PSPC1: variants seen among roughly 807,000 people sequenced by gnomAD.
PSPC1 encodes the protein paraspeckle protein 1.
In PSPC1, 14 loss-of-function variants were observed where a neutral mutation model predicts 51.6. The observed-to-expected ratio is 0.27, with a 90% CI of 0.18 to 0.42. PSPC1 has a LOEUF of 0.42. Ranked by LOEUF, PSPC1 falls within the 10% of genes least tolerant of loss-of-function variation. The pLI is 1.00. For missense variants in PSPC1, 406 were observed against 701.1 expected (o/e 0.58, Z 4.75); for synonymous variants, 193 against 231.9 (o/e 0.83, Z 1.53).
intron 6 of PSPC1, among the ~76,000 whole-genome samples, chr13:19,685,708 G>A (rs1049768410): frequency 1.3e-5 from 2 of 152,144 alleles, no homozygotes; most frequent in African/African-American, 4.8e-5. Context: ...TGGAATAAGA[G>A]GGTGAAATAA....
chr13:19,679,742 C>T (rs939783373), intron 6 of PSPC1, among the ~76,000 whole-genome samples: 2 of 151,978 alleles, frequency 1.3e-5, no homozygotes, highest in African/African-American at 4.8e-5. Flanking sequence ...TTCATGGGGG[C>T]AGAAGCAACC....
chr13:19,672,983 G>A (rs927547623), downstream of PSPC1: 1 of 413,082 alleles, frequency 2.4e-6, no homozygotes, highest in Non-Finnish European at 4.7e-6. Context: ...TTGAGCCAGG[G>A]AGGTCAAGGC....
At chr13:19,710,612 T>C (rs1056135918) in intron 6 of PSPC1, among the ~76,000 whole-genome samples, 3 of 152,168 alleles carry the variant, frequency 2.0e-5, no homozygotes, top group Admixed American at 6.5e-5. Context: ...AAAGCACCTA[T>C]AAAGCTGGAA....
chr13:19,739,877 A>G (rs955589499), intron 5 of PSPC1, among the ~76,000 whole-genome samples: 1 of 152,116 alleles, frequency 6.6e-6, no homozygotes, highest in East Asian at 1.9e-4. Flanking sequence ...AAAAAAAAAA[A>G]AAAACAGTAG....
chr13:19,777,429 C>CA (rs397938970), intron 1 of PSPC1, among the ~76,000 whole-genome samples: 10,272 of 47,368 alleles, frequency 0.22, 1,198 homozygotes, highest in African/African-American at 0.34. Flanking sequence ...GACCTCAGCT[C>CA]AAAAAAAAAA....
At chr13:19,752,685 G>A (rs1343490296) in intron 3 of PSPC1, among the ~76,000 whole-genome samples, 3 of 151,646 alleles carry the variant, frequency 2.0e-5, no homozygotes, top group East Asian at 1.9e-4. Flanking sequence ...TCCCGGGTTC[G>A]CACCATTCTC....
intron 6 of PSPC1, among the ~76,000 whole-genome samples, chr13:19,711,025 G>C (rs1331603100): frequency 1.3e-5 from 2 of 151,634 alleles, no homozygotes; most frequent in Admixed American, 1.3e-4. Flanking sequence ...TTTTTTTGTA[G>C]AGATAGGGTC....
Position 19,744,705 on chromosome 13 carries a change from T to C in PSPC1, c.968-3056A>G, listed in dbSNP as rs182157867. ...TCAGCCTCCCAAGTAGCTGGGATTATAGGCGCCCACAACCGCGCCCAGCTA... is the reference window on the plus strand; with the variant it reads ...TCAGCCTCCCAAGTAGCTGGGATTACAGGCGCCCACAACCGCGCCCAGCTA... On this transcript the variant is annotated intron_variant, in intron 4 of 8. Coordinates refer to ENST00000338910, the MANE Select transcript of PSPC1 (RefSeq NM_001354909.2). Among the ~76,000 whole-genome samples, 688 of 152,202 alleles carry C rather than the reference T, an allele frequency of 4.5e-3. 5 individuals carry two copies. The highest frequency in any genetic ancestry group is 0.027 in the South Asian group (128 of 4,822).
intron 4 of PSPC1, among the ~76,000 whole-genome samples, chr13:19,742,193 G>A (rs190745884): frequency 5.1e-4 from 75 of 148,476 alleles, no homozygotes; most frequent in African/African-American, 1.7e-3. Flanking sequence ...GGGCGCGGTG[G>A]CTCACGCCTT....
At chr13:19,730,097 A>C (rs1883859213) in intron 6 of PSPC1, 142 bp downstream of exon 6, 1 of 646,784 alleles carries the variant, frequency 1.5e-6, no homozygotes, top group East Asian at 2.6e-5. Context: ...TGAGAGGTTA[A>C]GAAAATCACT....
chr13:19,709,325 T>A (rs1178168998), intron 7 of PSPC1, among the ~76,000 whole-genome samples: 20 of 152,188 alleles, frequency 1.3e-4, no homozygotes, highest in Non-Finnish European at 2.6e-4. Context: ...AACACATCTT[T>A]TAGCCTTCAA....
intron 6 of PSPC1, among the ~76,000 whole-genome samples, chr13:19,692,943 C>A (rs1878742312): frequency 6.6e-6 from 1 of 152,150 alleles, no homozygotes; most frequent in Non-Finnish European, 1.5e-5. Flanking sequence ...TGTTTCCAGT[C>A]CAGTCACTCT....
At chr13:19,701,425 C>A (rs1441734449), downstream of PSPC1, among the ~76,000 whole-genome samples, 1 of 151,570 alleles carries the variant, frequency 6.6e-6, no homozygotes, top group African/African-American at 2.4e-5. Context: ...TAAAGCAAAT[C>A]CCACTCTCCA....
At chr13:19,732,280 A>G (rs2137947055) in intron 5 of PSPC1, among the ~76,000 whole-genome samples, 1 of 152,332 alleles carries the variant, frequency 6.6e-6, no homozygotes, top group South Asian at 2.1e-4. Context: ...GGATATTAAC[A>G]CATTTCATAT....
chr13:19,728,829 G>A lies in PSPC1; in HGVS notation c.1158+1410C>T, dbSNP rs548912153. Among the ~76,000 whole-genome samples, 8 of 152,036 alleles carry A rather than the reference G, an allele frequency of 5.3e-5. No individual in the cohort carries two copies. In the East Asian group the frequency reaches 9.7e-4, roughly 18 times the overall value. On this transcript the variant is annotated intron_variant, in intron 6 of 8. Transcript: ENST00000338910. ...CTCATTTACATACTATTTGAAATACGGATATCCCAAAAAGTTAAGAGCATA... is the reference window on the plus strand; with the variant it reads ...CTCATTTACATACTATTTGAAATACAGATATCCCAAAAAGTTAAGAGCATA...
At chr13:19,766,386 A>G (rs111670035) in intron 2 of PSPC1, among the ~76,000 whole-genome samples, 2 of 152,050 alleles carry the variant, frequency 1.3e-5, no homozygotes, top group African/African-American at 4.8e-5. Context: ...TCAATCTATC[A>G]ATCAATCAAT....
chr13:19,747,644 G>A (rs1886130985), intron 4 of PSPC1, among the ~76,000 whole-genome samples: 1 of 152,076 alleles, frequency 6.6e-6, no homozygotes, highest in African/African-American at 2.4e-5. Context: ...TTGTTTTGTT[G>A]TTACGATTTT....
At chr13:19,692,656 C>A (rs1231732334) in intron 6 of PSPC1, among the ~76,000 whole-genome samples, 1 of 152,140 alleles carries the variant, frequency 6.6e-6, no homozygotes, top group Non-Finnish European at 1.5e-5. Flanking sequence ...CCTCTAGCAG[C>A]TACATCAATC....
At chr13:19,731,707 C>T (rs1884146024) in intron 5 of PSPC1, among the ~76,000 whole-genome samples, 1 of 152,174 alleles carries the variant, frequency 6.6e-6, no homozygotes, top group South Asian at 2.1e-4. Context: ...AGCCCCAACA[C>T]CCCGGCTGGA....
Sources: allele counts gnomAD v4.1 joint callset (sites outside exome capture counted in the v4.1 genomes callset), GRCh38; gene constraint gnomAD v4.1.1; transcripts MANE v1.5; gene names NCBI Gene and HGNC (gene_info 2026-07-23, HGNC 2026-07-21).